ABCD2: variants seen among roughly 807,000 people sequenced by gnomAD.
ABCD2 encodes the protein ATP-binding cassette sub-family D member 2.
A neutral mutation model predicts 70.9 loss-of-function variants in ABCD2; 36 were observed. The observed-to-expected ratio is 0.51, with a 90% CI of 0.39 to 0.67. The LOEUF (loss-of-function observed/expected upper bound fraction) is 0.67, where lower values mean the gene tolerates loss of function less well. Among genes scored for constraint, ABCD2 ranks in the 30% least tolerant of loss-of-function variants. ABCD2 has a pLI of 0.00. For synonymous variants in ABCD2, 304 were observed against 306.9 expected, an observed-to-expected ratio of 0.99 and a Z score of 0.10; for missense variants, 729 against 890.2, an observed-to-expected ratio of 0.82 and a Z score of 2.30.
intron 3 of ABCD2, among the ~76,000 whole-genome samples, chr12:39,605,360 G>A (rs545721835): frequency 1.3e-5 from 2 of 152,062 alleles, no homozygotes; most frequent in East Asian, 3.9e-4. Context: ...GTCCTATTAT[G>A]AAATGAATGT....
Position 39,607,620 on chromosome 12 carries a change from C to A in ABCD2, c.1215G>T (p.Arg405Ser). The A allele has an allele frequency of 6.2e-7, 1 of 1,611,870 alleles. No individual in the cohort carries two copies. The change falls in exon 3 of 10, where the codon AGG (arginine) becomes AGT (serine). Residue 405 changes from arginine (R) to serine (S), a missense_variant. Physicochemically the swap from Arg to Ser is moderately radical, Grantham distance 110. Transcript: ENST00000308666. Reference sequence around the variant, plus strand: ...GTACCTCTTTGTATGAAGACATAATCCTTTCAATAGCATCAGCTCCAGAGG... The same window carrying A: ...GTACCTCTTTGTATGAAGACATAATACTTTCAATAGCATCAGCTCCAGAGG... The part of the protein sequence containing the change: ...LLASGADAIE[R>S]IMSSYKEVTE...
chr12:39,579,054 G>T (rs899025190), intron 8 of ABCD2, among the ~76,000 whole-genome samples: 1 of 152,008 alleles, frequency 6.6e-6, no homozygotes, highest in African/African-American at 2.4e-5. Context: ...AATACTTGGA[G>T]ATTCTACTAT....
the ABCD2 span, among the ~76,000 whole-genome samples, chr12:39,542,448 C>T: frequency 1.4e-5 from 2 of 143,636 alleles, no homozygotes; most frequent in Admixed American, 7.1e-5. Context: ...GGCAACAGAG[C>T]GAGACTCCAT....
intron 6 of ABCD2, among the ~76,000 whole-genome samples, chr12:39,598,914 A>T (rs1347364851): frequency 6.6e-6 from 1 of 152,216 alleles, no homozygotes; most frequent in Non-Finnish European, 1.5e-5. Flanking sequence ...TGCAAGGATA[A>T]TGGTCCTATA....
chr12:39,573,033 G>T (rs1941469641), intron 9 of ABCD2, among the ~76,000 whole-genome samples: 1 of 152,076 alleles, frequency 6.6e-6, no homozygotes, highest in Non-Finnish European at 1.5e-5. Context: ...CTAGTTCTCA[G>T]TTTCTTCATC....
At chr12:39,612,833 T>A (rs1942063165) in intron 2 of ABCD2, among the ~76,000 whole-genome samples, 1 of 152,228 alleles carries the variant, frequency 6.6e-6, no homozygotes, top group African/African-American at 2.4e-5. Flanking sequence ...TGGCAGTACA[T>A]TTTAGGAATA....
intron 9 of ABCD2, among the ~76,000 whole-genome samples, chr12:39,564,517 T>A (rs1027166747): frequency 4.6e-4 from 70 of 152,256 alleles, no homozygotes; most frequent in Non-Finnish European, 4.4e-5. Context: ...TCATTGTAGA[T>A]TCTGGATATT....
At chr12:39,608,600 A>C (rs1490395376) in intron 2 of ABCD2, among the ~76,000 whole-genome samples, 4 of 152,160 alleles carry the variant, frequency 2.6e-5, no homozygotes, top group Admixed American at 2.0e-4. Context: ...AGGCACAAGA[A>C]TCGCTTGAAC....
At position 39,607,865 on chromosome 12, in the gene ABCD2, T is replaced by A. The variant is rs956436681; in HGVS notation, c.1121-151A>T. ...AGCAATTTTCTAGAAATATAATGAA[T>A]CATTGAAAATTCAGTGTTTGGGCTG... is the stretch of plus-strand genomic sequence containing the variant. On this transcript the variant is annotated intron_variant, in intron 2 of 9. Transcript: ENST00000308666. The A allele has an allele frequency of 6.3e-6, 4 of 639,498 alleles. No individual in the cohort carries two copies. In the African/African-American group the frequency reaches 7.5e-5, roughly 12 times the overall value. 39.6% of individuals were successfully genotyped at this position (639,498 alleles called of 1,614,324 possible). A position where few individuals can be genotyped will look rare whatever the true frequency, so the allele number is the denominator to read the frequency against.
chr12:39,544,710 C>T, the ABCD2 span, among the ~76,000 whole-genome samples: 1 of 151,876 alleles, frequency 6.6e-6, no homozygotes, highest in Non-Finnish European at 1.5e-5. Context: ...GGCTGTGGAT[C>T]GCTCTGGCTT....
rs1308242158 is a variant in ABCD2 at position 39,551,420 on chromosome 12, G to A, written c.*2492C>T. ...TCTATCCCTTGCTGTATTCAAAAAT[G>A]GCTAGTTTCTCAGTCTTTTTCATGT... On this transcript the variant is annotated 3_prime_UTR_variant, in exon 10 of 10. Coordinates refer to ENST00000308666, the MANE Select transcript of ABCD2 (RefSeq NM_005164.4). 6.6e-6 allele frequency: 1 copy of A among 151,510 alleles called. No homozygotes were observed. Among genetic ancestry groups the A allele is most frequent in the Non-Finnish European group, 1.5e-5 (1 of 67,606 alleles). 9.4% of individuals were successfully genotyped at this position (151,510 alleles called of 1,614,324 possible). A position where few individuals can be genotyped will look rare whatever the true frequency, so the allele number is the denominator to read the frequency against.
chr12:39,532,364 G>A, the ABCD2 span, among the ~76,000 whole-genome samples: 1 of 152,180 alleles, frequency 6.6e-6, no homozygotes, highest in Non-Finnish European at 1.5e-5. Flanking sequence ...CATTTGAAAA[G>A]CTGTTCAACA....
chr12:39,615,874 T>C (rs960684317), intron 2 of ABCD2, among the ~76,000 whole-genome samples: 3 of 152,138 alleles, frequency 2.0e-5, no homozygotes, highest in Admixed American at 6.5e-5. Flanking sequence ...AACAATATTC[T>C]TAGTTTTCTA....
At chr12:39,560,355 G>A (rs1245423643) in intron 9 of ABCD2, among the ~76,000 whole-genome samples, 1 of 151,984 alleles carries the variant, frequency 6.6e-6, no homozygotes, top group Non-Finnish European at 1.5e-5. Flanking sequence ...CTTTTTTATG[G>A]CTGCATAGTA....
intron 8 of ABCD2, among the ~76,000 whole-genome samples, chr12:39,579,323 C>T (rs1941564436): frequency 6.6e-6 from 1 of 152,226 alleles, no homozygotes; most frequent in Admixed American, 6.5e-5. Context: ...GATCGTGCCA[C>T]TGCACTCCAG....
At chr12:39,615,073 T>C (rs1942097694) in intron 2 of ABCD2, among the ~76,000 whole-genome samples, 1 of 152,030 alleles carries the variant, frequency 6.6e-6, no homozygotes, top group Admixed American at 6.5e-5. Flanking sequence ...TTTAAATATA[T>C]TATTACATCT....
At chr12:39,541,004 G>T in the ABCD2 span, among the ~76,000 whole-genome samples, 1 of 151,656 alleles carries the variant, frequency 6.6e-6, no homozygotes, top group African/African-American at 2.4e-5. Flanking sequence ...ATATTTTACA[G>T]AGTTTCACTG....
chr12:39,618,566 C>G, intron 1 of ABCD2, 111 bp downstream of exon 1: 1 of 918,466 alleles, frequency 1.1e-6, no homozygotes, highest in Non-Finnish European at 1.6e-6. Flanking sequence ...TCAGAGGAAT[C>G]TAAGACACTA....
intron 2 of ABCD2, among the ~76,000 whole-genome samples, chr12:39,609,728 A>G (rs1266324602): frequency 6.6e-6 from 1 of 152,176 alleles, no homozygotes; most frequent in Non-Finnish European, 1.5e-5. Context: ...CAGTGCAAAT[A>G]TATACTTTAT....
Sources: gnomAD v4.1 joint callset for allele counts (sites outside exome capture counted in the v4.1 genomes callset) on GRCh38, gnomAD v4.1.1 for gene constraint, MANE v1.5 for transcripts, NCBI Gene and HGNC (gene_info 2026-07-23, HGNC 2026-07-21) for gene names.